KLHL29: variants seen among roughly 807,000 people sequenced by gnomAD.
KLHL29 encodes kelch-like protein 29.
Under a neutral mutation model 80.4 loss-of-function variants are expected in KLHL29, and 21 were observed. The observed-to-expected ratio is 0.26, with a 90% CI of 0.19 to 0.38. KLHL29 has a LOEUF of 0.38. Ranked by LOEUF, KLHL29 falls within the 10% of genes least tolerant of loss-of-function variation. KLHL29 has a pLI of 1.00. For synonymous variants in KLHL29, 511 were observed against 526.8 expected (o/e 0.97, Z 0.41); for missense variants, 867 against 1,223.9 (o/e 0.71, Z 4.35).
At position 23,469,605 on chromosome 2, in the gene KLHL29, AT is replaced by A. The variant is rs558419242; in HGVS notation, c.-153-5946del. ...GAGCAAAATCTGGAAGCAGTGTCTG[AT>A]TTTTTTTTAAACTGGTTTATATTCC... On this transcript the variant is annotated intron_variant, in intron 1 of 13. Transcript: ENST00000486442. Among the ~76,000 whole-genome samples, 1,239 of 151,922 alleles carry A rather than the reference AT, an allele frequency of 8.2e-3. 16 individuals carry two copies. Among genetic ancestry groups the A allele is most frequent in the African/African-American group, 0.028 (1,177 of 41,468 alleles).
chr2:23,475,258 G>A (rs1252574980), intron 1 of KLHL29, among the ~76,000 whole-genome samples: 2 of 151,936 alleles, frequency 1.3e-5, no homozygotes, highest in East Asian at 3.9e-4. Flanking sequence ...GGGGATTAGG[G>A]CTGTGTGTAT....
intron 13 of KLHL29, among the ~76,000 whole-genome samples, chr2:23,705,851 G>A (rs1672684795): frequency 6.6e-6 from 1 of 152,168 alleles, no homozygotes; most frequent in Non-Finnish European, 1.5e-5. Flanking sequence ...TGCAGAGAGG[G>A]GCCAGATGCT....
At chr2:23,678,093 C>T (rs773307979) in intron 5 of KLHL29, among the ~76,000 whole-genome samples, 7 of 152,192 alleles carry the variant, frequency 4.6e-5, no homozygotes, top group Non-Finnish European at 1.0e-4. Flanking sequence ...CCAGCCAGAA[C>T]GAGCCCATTA....
In KLHL29 at chr2:23,695,502, C is replaced by T. The variant is rs1180965296; in HGVS notation, c.1543-121C>T. ...TGTCTAGGCTAGCAGAGTATCTACACTCCCAAGCCTAACACAGCCTGGAAT... is the reference window on the plus strand; with the variant it reads ...TGTCTAGGCTAGCAGAGTATCTACATTCCCAAGCCTAACACAGCCTGGAAT... On this transcript the variant is annotated intron_variant, in intron 8 of 13. Transcript: ENST00000486442. This position sits in a 1 kb window ranked among gnomAD's most constrained non-coding sequence, Gnocchi z 7.6. 8.2e-6 allele frequency: 6 copies of T among 729,004 alleles called. No homozygotes were observed. The highest frequency in any genetic ancestry group is 1.3e-5 in the Non-Finnish European group (6 of 450,550). 45.2% of individuals were successfully genotyped at this position (729,004 alleles called of 1,614,324 possible).
rs368630771 is a variant in KLHL29 at position 23,642,961 on chromosome 2, C to G, written c.940+111C>G. 12 of 1,263,994 alleles carry G rather than the reference C, an allele frequency of 9.5e-6. No homozygotes were observed. In the East Asian group the frequency reaches 2.8e-4, roughly 29 times the overall value. The allele number at this position is 1,263,994 out of a possible 1,614,324, so 78.3% of individuals were successfully genotyped here. A position where few individuals can be genotyped will look rare whatever the true frequency, so the allele number is the denominator to read the frequency against. On this transcript the variant is annotated intron_variant, in intron 5 of 13. Transcript: ENST00000486442. Reference sequence around the variant, plus strand: ...GCTTCATGCCAGCTCCTTCACTGGCCTCCCCAACCCAGAGGCTGCAGTGGA... The same window carrying G: ...GCTTCATGCCAGCTCCTTCACTGGCGTCCCCAACCCAGAGGCTGCAGTGGA...
At chr2:23,453,849 G>C (rs1334103394) in intron 1 of KLHL29, among the ~76,000 whole-genome samples, 2 of 151,970 alleles carry the variant, frequency 1.3e-5, no homozygotes, top group Non-Finnish European at 2.9e-5. Context: ...AACTTACAAT[G>C]GGCAAACTCT....
intron 2 of KLHL29, among the ~76,000 whole-genome samples, chr2:23,486,205 T>A (rs1664929527): frequency 6.6e-6 from 1 of 152,156 alleles, no homozygotes. Context: ...CCCCTCCCAC[T>A]TACTTCTGGT....
At chr2:23,456,586 A>G (rs1002038101) in intron 1 of KLHL29, among the ~76,000 whole-genome samples, 1 of 152,214 alleles carries the variant, frequency 6.6e-6, no homozygotes, top group Non-Finnish European at 1.5e-5. Flanking sequence ...AGCCGGAAAC[A>G]TTCTCCCGCG....
chr2:23,425,623 A>G (rs1012031792), intron 1 of KLHL29, among the ~76,000 whole-genome samples: 1 of 152,144 alleles, frequency 6.6e-6, no homozygotes, highest in Non-Finnish European at 1.5e-5. Context: ...GACACAGATG[A>G]AAGGAAGCCA....
At chr2:23,511,646 TG>T (rs1665775013) in intron 2 of KLHL29, among the ~76,000 whole-genome samples, 1 of 152,236 alleles carries the variant, frequency 6.6e-6, no homozygotes, top group Admixed American at 6.5e-5. Flanking sequence ...GTATCCCTTT[TG>T]TCTTTATCAA....
chr2:23,519,573 T>C (rs140041124), intron 2 of KLHL29, among the ~76,000 whole-genome samples: 1 of 152,152 alleles, frequency 6.6e-6, no homozygotes, highest in East Asian at 1.9e-4. Flanking sequence ...CTGGGGTATG[T>C]GAACCCAGAA....
At position 23,610,652 on chromosome 2, in the gene KLHL29, G is replaced by T. The variant is rs1353142925; in HGVS notation, c.286-28487G>T. On this transcript the variant is annotated intron_variant, in intron 3 of 13. Transcript: ENST00000486442. ...ATCACTCCAGACTTGTCCTTTGCAAGGCTTGGTCCTGGGACAAGAAATAGC... is the reference window on the plus strand; with the variant it reads ...ATCACTCCAGACTTGTCCTTTGCAATGCTTGGTCCTGGGACAAGAAATAGC... Among the ~76,000 whole-genome samples, 5 of 152,356 alleles carry T rather than the reference G, an allele frequency of 3.3e-5. No homozygotes were observed. In the East Asian group the frequency reaches 9.6e-4, roughly 29 times the overall value.
At chr2:23,589,172 C>T (rs771602211) in intron 3 of KLHL29, among the ~76,000 whole-genome samples, 3 of 152,366 alleles carry the variant, frequency 2.0e-5, no homozygotes, top group Middle Eastern at 3.4e-3. Context: ...ATGAGCCAGG[C>T]GGCCTTTGCG....
chr2:23,525,736 C>T (rs1229505319), intron 2 of KLHL29, among the ~76,000 whole-genome samples: 3 of 26,908 alleles, frequency 1.1e-4, no homozygotes, highest in African/African-American at 3.0e-4. Context: ...GCCCCCCCCC[C>T]CCACCCGAGG....
intron 1 of KLHL29, among the ~76,000 whole-genome samples, chr2:23,442,073 G>A (rs1182599030): frequency 1.3e-5 from 2 of 152,184 alleles, no homozygotes; most frequent in South Asian, 2.1e-4. Context: ...TATGTGGTGG[G>A]CTCAGTGTAA....
chr2:23,415,570 G>T (rs1012268073), intron 1 of KLHL29, among the ~76,000 whole-genome samples: 4 of 152,158 alleles, frequency 2.6e-5, no homozygotes, highest in African/African-American at 9.7e-5. Flanking sequence ...AGACAGGCTG[G>T]GCCTCAATCC....
At position 23,495,287 on chromosome 2, in the gene KLHL29, C is replaced by A. The variant is rs1653749; in HGVS notation, c.-46+19620C>A. Among the ~76,000 whole-genome samples, 242 of 152,050 alleles carry A rather than the reference C, an allele frequency of 1.6e-3. 1 individual carries two copies. In the East Asian group the frequency reaches 0.038, roughly 24 times the overall value. On this transcript the variant is annotated intron_variant, in intron 2 of 13. Transcript: ENST00000486442. ...GGAGGTGCCTCTGTGGGCTGTCAGG[C>A]AGGTGGCAGGGAAGTCAATGGAGCC...
chr2:23,553,972 C>A (rs1036904532), intron 2 of KLHL29, among the ~76,000 whole-genome samples: 1 of 152,172 alleles, frequency 6.6e-6, no homozygotes, highest in African/African-American at 2.4e-5. Context: ...GAGGGCGCAT[C>A]AAAGAAGGCA....
chr2:23,455,035 G>A (rs1664009554), intron 1 of KLHL29, among the ~76,000 whole-genome samples: 1 of 151,382 alleles, frequency 6.6e-6, no homozygotes, highest in Non-Finnish European at 1.5e-5. Flanking sequence ...CGCATCTGCA[G>A]CCTCTGTGCA....
Sources: gnomAD v4.1 joint callset for allele counts (sites outside exome capture counted in the v4.1 genomes callset) on GRCh38, gnomAD v4.1.1 for gene constraint, Gnocchi (gnomAD v3.1) non-coding constraint, MANE v1.5 for transcripts, NCBI Gene and HGNC (gene_info 2026-07-23, HGNC 2026-07-21) for gene names.